MET: variants seen among roughly 807,000 people sequenced by gnomAD.
MET encodes the protein MET proto-oncogene, receptor tyrosine kinase.
Under a neutral mutation model 133.1 loss-of-function variants are expected in MET, and 48 were observed. The ratio of observed to expected loss-of-function variants is 0.36; its 90% CI spans 0.29 to 0.46. MET has a LOEUF of 0.46. Ranked by LOEUF, MET falls within the 20% of genes least tolerant of loss-of-function variation. MET has a pLI of 1.00. For missense variants in MET, 1,442 were observed against 1,695.9 expected, an observed-to-expected ratio of 0.85 and a Z score of 2.63; for synonymous variants, 628 against 616.5, an observed-to-expected ratio of 1.02 and a Z score of -0.28.
At chr7:116,727,574 AC>A (rs1792844133) in intron 2 of MET, among the ~76,000 whole-genome samples, 1 of 151,702 alleles carries the variant, frequency 6.6e-6, no homozygotes. Flanking sequence ...TGCTCTTTAG[AC>A]TCTTCTGCAG....
At chr7:116,761,199 A>C (rs1794387419) in intron 10 of MET, among the ~76,000 whole-genome samples, 1 of 152,176 alleles carries the variant, frequency 6.6e-6, no homozygotes, top group African/African-American at 2.4e-5. Flanking sequence ...ACATATCCCA[A>C]GGATGATTCA....
At chr7:116,716,539 A>G (rs972449482) in intron 2 of MET, among the ~76,000 whole-genome samples, 2 of 151,196 alleles carry the variant, frequency 1.3e-5, no homozygotes, top group South Asian at 2.1e-4. Flanking sequence ...GAAAGAAAGA[A>G]GATATGAACA....
chr7:116,759,927 C>T (rs1222777675), intron 10 of MET, among the ~76,000 whole-genome samples: 1 of 152,136 alleles, frequency 6.6e-6, no homozygotes, highest in Non-Finnish European at 1.5e-5. Flanking sequence ...AGGCACGAGC[C>T]ATCATGCCTG....
At chr7:116,749,294 C>T (rs572572112) in intron 5 of MET, among the ~76,000 whole-genome samples, 1 of 152,302 alleles carries the variant, frequency 6.6e-6, no homozygotes, top group Admixed American at 6.5e-5. Context: ...GAATGTAAGG[C>T]TGGTTCAACA....
intron 2 of MET, among the ~76,000 whole-genome samples, chr7:116,722,051 T>C (rs1584902574): frequency 6.6e-6 from 1 of 150,818 alleles, no homozygotes; most frequent in East Asian, 1.9e-4. Flanking sequence ...GTTGACTTTC[T>C]GTCTCGTTGA....
At chr7:116,791,243 T>C (rs1188703906) in intron 19 of MET, among the ~76,000 whole-genome samples, 2 of 152,210 alleles carry the variant, frequency 1.3e-5, no homozygotes, top group African/African-American at 4.8e-5. Flanking sequence ...GGTTGTAAGA[T>C]AAGTGTACAT....
chr7:116,750,014 A>G (rs528951146), intron 5 of MET, among the ~76,000 whole-genome samples: 6 of 152,212 alleles, frequency 3.9e-5, no homozygotes, highest in Non-Finnish European at 7.3e-5. Flanking sequence ...GCCCAAAGTA[A>G]TTTATACATT....
intron 19 of MET, among the ~76,000 whole-genome samples, chr7:116,793,483 C>T (rs774028977): frequency 4.0e-5 from 6 of 151,658 alleles, no homozygotes; most frequent in Non-Finnish European, 8.8e-5. Context: ...TCCTGTCTAA[C>T]CCACTTTCAA....
intron 8 of MET, 84 bp downstream of exon 8, chr7:116,757,858 G>T (rs770782239): frequency 6.9e-7 from 1 of 1,455,104 alleles, no homozygotes; most frequent in Admixed American, 1.7e-5. Flanking sequence ...TTTTGTGTGT[G>T]TGTGTGGAGA....
intron 2 of MET, among the ~76,000 whole-genome samples, chr7:116,712,806 A>G (rs1179900472): frequency 6.6e-6 from 1 of 152,180 alleles, no homozygotes; most frequent in Non-Finnish European, 1.5e-5. Context: ...GGGAGGGTGA[A>G]TAGATAGGAA....
In MET at chr7:116,757,621, T is replaced by C. The variant is rs555288487; in HGVS notation, c.1966-17T>C. Reference sequence around the variant, plus strand: ...AGATGAACAAGTTACTTTGTTTTGTTTTTATCTCCCCTCCAGGATCCTGTA... The same window carrying C: ...AGATGAACAAGTTACTTTGTTTTGTCTTTATCTCCCCTCCAGGATCCTGTA... On this transcript the variant is annotated splice_polypyrimidine_tract_variant and intron_variant, in intron 7 of 20. Transcript: ENST00000397752. The C allele has an allele frequency of 1.5e-4, 241 of 1,613,980 alleles. 1 individual carries two copies. In the South Asian group the frequency reaches 2.5e-3, roughly 17 times the overall value.
At chr7:116,750,775 C>T (rs544686662) in intron 5 of MET, among the ~76,000 whole-genome samples, 3 of 152,316 alleles carry the variant, frequency 2.0e-5, no homozygotes, top group African/African-American at 7.2e-5. Context: ...TAAACAGACA[C>T]TTCTCAAAAG....
At chr7:116,755,629 T>G in intron 6 of MET, 114 bp downstream of exon 6, 3 of 1,332,450 alleles carry the variant, frequency 2.3e-6, no homozygotes, top group Non-Finnish European at 3.2e-6. Context: ...AAAAAGGGTC[T>G]TGGCCTGTCA....
intron 3 of MET, among the ~76,000 whole-genome samples, chr7:116,732,082 T>G (rs899652025): frequency 6.6e-6 from 1 of 152,254 alleles, no homozygotes; most frequent in Non-Finnish European, 1.5e-5. Context: ...ATCTGTTTGC[T>G]TTAATTTTCT....
chr7:116,743,222 A>G (rs1213870492), intron 5 of MET, among the ~76,000 whole-genome samples: 3 of 152,222 alleles, frequency 2.0e-5, no homozygotes, highest in African/African-American at 7.2e-5. Context: ...ACACTTCCCT[A>G]TGGTTTTGGC....
At position 116,780,598 on chromosome 7, in the gene MET, G is replaced by A. The variant is rs868813295; in HGVS notation, c.3523-1390G>A. Among the ~76,000 whole-genome samples the A allele has an allele frequency of 3.9e-5, 6 of 152,164 alleles. 1 individual carries two copies. The highest frequency in any genetic ancestry group is 9.7e-5 in the African/African-American group (4 of 41,434). ...ATAGAGATTTCCTGTTATCCAGAAC[G>A]GAATAGTGCCATGGCCTTTTTTAAT... On this transcript the variant is annotated intron_variant, in intron 17 of 20. Transcript: ENST00000397752.
intron 1 of MET, among the ~76,000 whole-genome samples, chr7:116,696,270 A>C (rs1277209546): frequency 6.6e-6 from 1 of 152,126 alleles, no homozygotes; most frequent in Non-Finnish European, 1.5e-5. Context: ...TTAACCATCA[A>C]GTGACTTGAG....
chr7:116,763,836 G>T (rs1794505469), intron 11 of MET, among the ~76,000 whole-genome samples: 1 of 152,176 alleles, frequency 6.6e-6, no homozygotes, highest in African/African-American at 2.4e-5. Context: ...GACCCAGAAA[G>T]GTTAAGTGAT....
At chr7:116,782,400 G>A (rs1795183423) in intron 18 of MET, among the ~76,000 whole-genome samples, 2 of 152,226 alleles carry the variant, frequency 1.3e-5, no homozygotes, top group Admixed American at 6.5e-5. Flanking sequence ...TAGTGTTGGG[G>A]AGGGAGAATT....
Sources: gnomAD v4.1 joint callset for allele counts (sites outside exome capture counted in the v4.1 genomes callset) on GRCh38, gnomAD v4.1.1 for gene constraint, MANE v1.5 for transcripts, NCBI Gene and HGNC (gene_info 2026-07-23, HGNC 2026-07-21) for gene names.